Variants in PPM1E observed in about 807,000 individuals in gnomAD.
PPM1E encodes the protein protein phosphatase, Mg2+/Mn2+ dependent 1E, also known as protein phosphatase 1E.
In PPM1E, 20 loss-of-function variants were observed where a neutral mutation model predicts 65.9. The ratio of observed to expected loss-of-function variants is 0.30; its 90% confidence interval spans 0.21 to 0.44. The LOEUF (loss-of-function observed/expected upper bound fraction) is 0.44. PPM1E is among the 20% of genes least tolerant of loss of function. The pLI is 1.00. For synonymous variants in PPM1E, 352 were observed against 374.9 expected, an observed-to-expected ratio of 0.94 and a Z score of 0.70; for missense variants, 713 against 953.1, an observed-to-expected ratio of 0.75 and a Z score of 3.32.
At chr17:58,936,889 G>A (rs1169293780) in intron 1 of PPM1E, among the ~76,000 whole-genome samples, 4 of 152,168 alleles carry the variant, frequency 2.6e-5, no homozygotes, top group East Asian at 1.9e-4. Flanking sequence ...AATATTCAGT[G>A]CTGAAAGAGA....
intron 1 of PPM1E, among the ~76,000 whole-genome samples, chr17:58,877,475 C>T (rs1055823405): frequency 6.6e-6 from 1 of 152,036 alleles, no homozygotes; most frequent in African/African-American, 2.4e-5. Context: ...TCCATATTTA[C>T]AAAAAACCCT....
intron 1 of PPM1E, among the ~76,000 whole-genome samples, chr17:58,811,172 T>C (rs2143095548): frequency 6.6e-6 from 1 of 152,306 alleles, no homozygotes; most frequent in African/African-American, 2.4e-5. Context: ...TTTGTGAATT[T>C]GGATTGTGCA....
chr17:58,920,271 A>G (rs931673226), intron 1 of PPM1E, among the ~76,000 whole-genome samples: 3 of 152,020 alleles, frequency 2.0e-5, no homozygotes, highest in Admixed American at 6.6e-5. Flanking sequence ...TAGTTATTTC[A>G]TTATCTACAC....
chr17:58,969,842 G>A, intron 4 of PPM1E, 115 bp downstream of exon 4: 2 of 983,608 alleles, frequency 2.0e-6, no homozygotes, highest in Non-Finnish European at 3.0e-6. Context: ...TATCCAAACT[G>A]TATTCTTGAC....
chr17:58,778,444 G>A (rs1363573267), intron 1 of PPM1E, among the ~76,000 whole-genome samples: 2 of 61,954 alleles, frequency 3.2e-5, no homozygotes, highest in Non-Finnish European at 6.0e-5. Flanking sequence ...GTCTTGCTTT[G>A]TTTCCCAGCC....
intron 1 of PPM1E, among the ~76,000 whole-genome samples, chr17:58,890,472 A>G (rs1314571403): frequency 6.6e-6 from 1 of 152,194 alleles, no homozygotes; most frequent in African/African-American, 2.4e-5. Flanking sequence ...CTGAGCTGGG[A>G]ATGTGTGCTT....
chr17:58,781,828 G>C (rs1437752654), intron 1 of PPM1E, among the ~76,000 whole-genome samples: 1 of 151,968 alleles, frequency 6.6e-6, no homozygotes, highest in Non-Finnish European at 1.5e-5. Flanking sequence ...AGAGGTTGCA[G>C]TGAGCCAAGA....
chr17:58,833,137 G>A (rs1259407128), intron 1 of PPM1E, among the ~76,000 whole-genome samples: 1 of 151,760 alleles, frequency 6.6e-6, no homozygotes, highest in Non-Finnish European at 1.5e-5. Flanking sequence ...TTTGGGGGAT[G>A]TATGTAGTTC....
chr17:58,871,270 G>A (rs1261242286), intron 1 of PPM1E, among the ~76,000 whole-genome samples: 3 of 152,038 alleles, frequency 2.0e-5, no homozygotes, highest in Admixed American at 6.6e-5. Flanking sequence ...AAACTCCTGG[G>A]TTCAAGTGAT....
intron 6 of PPM1E, among the ~76,000 whole-genome samples, chr17:58,974,656 T>A (rs2030883048): frequency 6.6e-6 from 1 of 152,134 alleles, no homozygotes; most frequent in Non-Finnish European, 1.5e-5. Flanking sequence ...TATACTGCAG[T>A]TTTTAATCTC....
chr17:58,884,565 T>C (rs1266821272), intron 1 of PPM1E, among the ~76,000 whole-genome samples: 1 of 152,234 alleles, frequency 6.6e-6, no homozygotes, highest in African/African-American at 2.4e-5. Context: ...ACATTGAATA[T>C]TAATATTAGA....
chr17:58,877,034 C>T (rs758207911), intron 1 of PPM1E, among the ~76,000 whole-genome samples: 1 of 152,198 alleles, frequency 6.6e-6, no homozygotes, highest in East Asian at 1.9e-4. Context: ...CCGCCCGCCT[C>T]GGCCTCCCAA....
rs954442943 is a variant in PPM1E at position 58,941,711 on chromosome 17, A to G, written c.465-13938A>G. ...CATCTCAAAAAAAAAAAAAAAAAAAATGCTGGTCATAGGCCGGGCATGGTG... is the reference window on the plus strand; with the variant it reads ...CATCTCAAAAAAAAAAAAAAAAAAAGTGCTGGTCATAGGCCGGGCATGGTG... On this transcript the variant is annotated intron_variant, in intron 1 of 6. Coordinates refer to ENST00000308249, the MANE Select transcript of PPM1E (RefSeq NM_014906.5). Among the ~76,000 whole-genome samples the G allele has an allele frequency of 6.8e-5, 10 of 148,080 alleles. 1 individual carries two copies. Among genetic ancestry groups the G allele is most frequent in the Admixed American group, 2.7e-4 (4 of 14,750 alleles).
intron 4 of PPM1E, among the ~76,000 whole-genome samples, chr17:58,971,232 T>C (rs2030595521): frequency 6.6e-6 from 1 of 152,174 alleles, no homozygotes; most frequent in African/African-American, 2.4e-5. Context: ...TTTTTGAACA[T>C]TCTGTGTGGG....
intron 1 of PPM1E, among the ~76,000 whole-genome samples, chr17:58,906,417 C>A (rs1598642038): frequency 6.6e-6 from 1 of 152,184 alleles, no homozygotes; most frequent in South Asian, 2.1e-4. Flanking sequence ...GGGCTCACTG[C>A]AGCTTCAATC....
chr17:58,855,226 C>T (rs2050869452), intron 1 of PPM1E, among the ~76,000 whole-genome samples: 3 of 152,150 alleles, frequency 2.0e-5, no homozygotes, highest in African/African-American at 7.2e-5. Context: ...AAGGTCTCCC[C>T]TAAGGAGAAA....
In PPM1E at chr17:58,779,872, A is replaced by C. The variant is rs558869218; in HGVS notation, c.464+23411A>C. Among the ~76,000 whole-genome samples, 4 of 152,218 alleles carry C rather than the reference A, an allele frequency of 2.6e-5. No individual in the cohort carries two copies. The East Asian group carries it at 5.8e-4, about 22-fold the overall frequency. On this transcript the variant is annotated intron_variant, in intron 1 of 6. Coordinates refer to ENST00000308249, the MANE Select transcript of PPM1E (RefSeq NM_014906.5). ...TGTGATTATTCTACTACAACTTTAAATTTTTTAAAAGTGTATCATGGCTGT... is the reference window on the plus strand; with the variant it reads ...TGTGATTATTCTACTACAACTTTAACTTTTTTAAAAGTGTATCATGGCTGT...
chr17:58,854,531 G>A (rs1401994911), intron 1 of PPM1E, among the ~76,000 whole-genome samples: 4 of 152,128 alleles, frequency 2.6e-5, no homozygotes, highest in Admixed American at 2.6e-4. Context: ...ATTGAATATA[G>A]TGCTTTTTGT....
At chr17:58,864,362 C>T (rs1204352548) in intron 1 of PPM1E, among the ~76,000 whole-genome samples, 2 of 152,134 alleles carry the variant, frequency 1.3e-5, no homozygotes, top group African/African-American at 4.8e-5. Context: ...ATAATCTGGT[C>T]CGGTGCGGTG....
Sources: allele counts gnomAD v4.1 joint callset (sites outside exome capture counted in the v4.1 genomes callset), GRCh38; gene constraint gnomAD v4.1.1; transcripts MANE v1.5; gene names NCBI Gene and HGNC (gene_info 2026-07-23, HGNC 2026-07-21).